Variants in ZHX2 observed in about 807,000 individuals in gnomAD.
ZHX2 encodes zinc fingers and homeoboxes protein 2.
ZHX2 carries 6 observed loss-of-function variants against 21.9 expected under a neutral mutation model. The ratio of observed to expected loss-of-function variants is 0.27; its 90% confidence interval spans 0.15 to 0.54. ZHX2 has a LOEUF of 0.54. Among genes scored for constraint, ZHX2 ranks in the 20% least tolerant of loss-of-function variants. The pLI is 0.95. For synonymous variants in ZHX2, 434 were observed against 437.1 expected, an observed-to-expected ratio of 0.99 and a Z score of 0.09; for missense variants, 908 against 1,090.7, an observed-to-expected ratio of 0.83 and a Z score of 2.36.
intron 1 of ZHX2, among the ~76,000 whole-genome samples, chr8:122,859,598 G>C (rs571627777): frequency 1.3e-5 from 2 of 152,230 alleles, no homozygotes; most frequent in African/African-American, 4.8e-5. Flanking sequence ...ATTGAAGGAG[G>C]GGAGGGGAGT....
chr8:122,911,768 G>A (rs1375863072), intron 2 of ZHX2, among the ~76,000 whole-genome samples: 1 of 152,078 alleles, frequency 6.6e-6, no homozygotes, highest in Admixed American at 6.5e-5. Context: ...ACAGAGCTAC[G>A]AGCCTATGTG....
intron 1 of ZHX2, among the ~76,000 whole-genome samples, chr8:122,861,282 T>C (rs1819161224): frequency 6.6e-6 from 1 of 152,174 alleles, no homozygotes; most frequent in Non-Finnish European, 1.5e-5. Context: ...AAAACATTAA[T>C]GTGCTGGGAA....
chr8:122,824,313 G>T (rs1282666455), intron 1 of ZHX2, among the ~76,000 whole-genome samples: 1 of 152,202 alleles, frequency 6.6e-6, no homozygotes, highest in African/African-American at 2.4e-5. Flanking sequence ...GAGGACAGAG[G>T]ACAGAGCCTG....
intron 1 of ZHX2, among the ~76,000 whole-genome samples, chr8:122,795,116 G>A (rs533224962): frequency 7.2e-5 from 11 of 152,220 alleles, no homozygotes; most frequent in Admixed American, 2.6e-4. Context: ...ATGACTGGAT[G>A]GTTATATGAA....
chr8:122,921,670 G>A (rs902134070), intron 2 of ZHX2, among the ~76,000 whole-genome samples: 2 of 149,382 alleles, frequency 1.3e-5, no homozygotes, highest in Non-Finnish European at 3.0e-5. Context: ...GAGAGAGAAA[G>A]TGAGGAAGGG....
intron 3 of ZHX2, among the ~76,000 whole-genome samples, chr8:122,967,163 T>C (rs763776869): frequency 3.9e-5 from 6 of 152,362 alleles, no homozygotes; most frequent in Admixed American, 6.5e-5. Context: ...TCAGATTTCA[T>C]CTTGGTTTGA....
rs1358939145 is a variant in ZHX2, at chr8:122,829,401, C to A, written c.-282-34076C>A. On this transcript the variant is annotated intron_variant, in intron 1 of 3. Transcript: ENST00000314393. ...TCACAGAAGCTTCAAGAACTTATAA[C>A]AATGCTTAGAGTTGGGTAATGAACT... Among the ~76,000 whole-genome samples, 3 of 152,224 alleles carry A rather than the reference C, an allele frequency of 2.0e-5. No individual in the cohort carries two copies. The East Asian group carries it at 5.8e-4, about 29-fold the overall frequency.
intron 1 of ZHX2, among the ~76,000 whole-genome samples, chr8:122,792,207 CT>C (rs1395668711): frequency 6.6e-6 from 1 of 152,206 alleles, no homozygotes; most frequent in Non-Finnish European, 1.5e-5. Context: ...GTAGGTTTGC[CT>C]TTTCTGCACA....
chr8:122,838,924 A>T (rs1375277784), intron 1 of ZHX2, among the ~76,000 whole-genome samples: 1 of 152,190 alleles, frequency 6.6e-6, no homozygotes, highest in Non-Finnish European at 1.5e-5. Flanking sequence ...TGCAGGATTC[A>T]TACTGTATAT....
intron 2 of ZHX2, among the ~76,000 whole-genome samples, chr8:122,942,475 C>T (rs1459123752): frequency 6.6e-6 from 1 of 152,200 alleles, no homozygotes; most frequent in Non-Finnish European, 1.5e-5. Context: ...CCTGTCAAAG[C>T]CCGGAGGTGT....
At chr8:122,941,709 G>C (rs1199728226) in intron 2 of ZHX2, among the ~76,000 whole-genome samples, 1 of 152,014 alleles carries the variant, frequency 6.6e-6, no homozygotes, top group Non-Finnish European at 1.5e-5. Context: ...GTGTCTTCAT[G>C]GGACAGTGTG....
chr8:122,821,502 C>T (rs968433523), intron 1 of ZHX2, among the ~76,000 whole-genome samples: 1 of 151,476 alleles, frequency 6.6e-6, no homozygotes, highest in Non-Finnish European at 1.5e-5. Flanking sequence ...TATCTTACAT[C>T]CTTTGGAGCC....
chr8:122,786,746 A>C, intron 1 of ZHX2, among the ~76,000 whole-genome samples: 1 of 146,500 alleles, frequency 6.8e-6, no homozygotes, highest in African/African-American at 2.5e-5. Context: ...ACATGCACTC[A>C]TTTTGTGGCA....
At chr8:122,946,278 G>A (rs1224719487) in intron 2 of ZHX2, among the ~76,000 whole-genome samples, 1 of 151,988 alleles carries the variant, frequency 6.6e-6, no homozygotes, top group Non-Finnish European at 1.5e-5. Context: ...ATACCAACAT[G>A]CTACTATCCT....
intron 1 of ZHX2, among the ~76,000 whole-genome samples, chr8:122,788,726 C>T (rs1817451945): frequency 6.6e-6 from 1 of 152,172 alleles, no homozygotes; most frequent in African/African-American, 2.4e-5. Context: ...GGAAGCCTGG[C>T]CCACATCAGC....
At chr8:122,947,771 G>A in intron 2 of ZHX2, among the ~76,000 whole-genome samples, 1 of 152,026 alleles carries the variant, frequency 6.6e-6, no homozygotes, top group East Asian at 1.9e-4. Flanking sequence ...GGTGCTGTGA[G>A]GGGAGTGAGG....
intron 1 of ZHX2, among the ~76,000 whole-genome samples, chr8:122,840,136 C>T (rs558435960): frequency 2.0e-5 from 3 of 152,292 alleles, no homozygotes; most frequent in South Asian, 2.1e-4. Flanking sequence ...CTTCCTGAGA[C>T]GTGCTTCCTG....
At chr8:122,838,192 G>C (rs966035732) in intron 1 of ZHX2, among the ~76,000 whole-genome samples, 2 of 152,248 alleles carry the variant, frequency 1.3e-5, no homozygotes, top group African/African-American at 2.4e-5. Context: ...TGTGGGAAGA[G>C]AGCAGAAAGC....
chr8:122,850,348 C>T (rs1337953764), intron 1 of ZHX2, among the ~76,000 whole-genome samples: 4 of 152,030 alleles, frequency 2.6e-5, no homozygotes, highest in Non-Finnish European at 4.4e-5. Context: ...ATTCAAGACA[C>T]CACTACCGGC....
Sources: allele counts gnomAD v4.1 joint callset (sites outside exome capture counted in the v4.1 genomes callset), GRCh38; gene constraint gnomAD v4.1.1; transcripts MANE v1.5; gene names NCBI Gene and HGNC (gene_info 2026-07-23, HGNC 2026-07-21).